NCKAP5: variants seen among roughly 807,000 people sequenced by gnomAD.
The protein encoded by NCKAP5 is NCK associated protein 5, also known as nck-associated protein 5.
In NCKAP5, 92 loss-of-function variants were observed where a neutral mutation model predicts 167.0. That is an observed-to-expected ratio of 0.55 (90% CI 0.47 to 0.66). The LOEUF (loss-of-function observed/expected upper bound fraction) is 0.66. Ranked by LOEUF, NCKAP5 falls within the 30% of genes least tolerant of loss-of-function variation. The pLI is 0.00. For missense variants in NCKAP5, 2,378 were observed against 2,315.0 expected (o/e 1.03, Z -0.56); for synonymous variants, 891 against 877.4 (o/e 1.02, Z -0.27).
chr2:133,017,651 C>T (rs1229642067), intron 6 of NCKAP5, among the ~76,000 whole-genome samples: 1 of 152,054 alleles, frequency 6.6e-6, no homozygotes, highest in African/African-American at 2.4e-5. Flanking sequence ...CCTCTCTTTA[C>T]TAGACTGTAC....
intron 3 of NCKAP5, among the ~76,000 whole-genome samples, chr2:133,387,729 G>T (rs1486172180): frequency 1.3e-5 from 2 of 152,078 alleles, no homozygotes; most frequent in Admixed American, 1.3e-4. Flanking sequence ...TTTCTTGGAG[G>T]CTTTGTTCAT....
intron 3 of NCKAP5, among the ~76,000 whole-genome samples, chr2:133,438,222 G>A (rs369614473): frequency 5.3e-5 from 8 of 152,312 alleles, no homozygotes; most frequent in African/African-American, 1.9e-4. Flanking sequence ...CCAGCTTCTG[G>A]CAGCATGGCA....
chr2:133,500,169 ATTTG>A (rs1442022656), intron 3 of NCKAP5, among the ~76,000 whole-genome samples: 2 of 152,168 alleles, frequency 1.3e-5, no homozygotes, highest in Non-Finnish European at 2.9e-5. Flanking sequence ...CAAGTGATCT[ATTTG>A]TTTGGAAAAA....
At chr2:133,603,407 C>T in the NCKAP5 span, among the ~76,000 whole-genome samples, 4 of 151,500 alleles carry the variant, frequency 2.6e-5, no homozygotes, top group Non-Finnish European at 5.9e-5. Context: ...GCATTTTTAG[C>T]AGAGACGGGG....
At chr2:133,260,683 AG>A (rs2088860480) in intron 4 of NCKAP5, among the ~76,000 whole-genome samples, 1 of 152,204 alleles carries the variant, frequency 6.6e-6, no homozygotes, top group African/African-American at 2.4e-5. Context: ...CCTCGGACGG[AG>A]GTAAAAAGAA....
intron 6 of NCKAP5, among the ~76,000 whole-genome samples, chr2:133,076,306 A>G (rs2080599074): frequency 6.6e-6 from 1 of 152,188 alleles, no homozygotes; most frequent in African/African-American, 2.4e-5. Context: ...CAAGGAACTC[A>G]TGGATATAGA....
At chr2:133,439,540 G>T (rs1265277555) in intron 3 of NCKAP5, among the ~76,000 whole-genome samples, 1 of 152,174 alleles carries the variant, frequency 6.6e-6, no homozygotes, top group African/African-American at 2.4e-5. Flanking sequence ...ACCAATTCAA[G>T]GACTGAGTAG....
intron 8 of NCKAP5, among the ~76,000 whole-genome samples, chr2:132,957,179 C>A (rs1558988200): frequency 6.6e-6 from 1 of 152,160 alleles, no homozygotes; most frequent in Non-Finnish European, 1.5e-5. Flanking sequence ...AACCAACAGA[C>A]AATTGCATGC....
At position 132,916,132 on chromosome 2, in the gene NCKAP5, C is replaced by T. The variant is rs146674150; in HGVS notation, c.580-37216G>A. Among the ~76,000 whole-genome samples the T allele has an allele frequency of 5.5e-3, 829 of 152,028 alleles. 10 individuals carry two copies. Among genetic ancestry groups the T allele is most frequent in the African/African-American group, 0.019 (781 of 41,516 alleles). ...CTGCCAAAGTAAAGACAGAAATATT[C>T]ATGTTTGCAGAGGCTGCCCTCTTTT... On this transcript the variant is annotated intron_variant, in intron 8 of 19. Coordinates refer to ENST00000409261, the MANE Select transcript of NCKAP5 (RefSeq NM_207363.3).
intron 4 of NCKAP5, among the ~76,000 whole-genome samples, chr2:133,236,070 CAAAAAAAAAAAAAA>C (rs527705526): frequency 1.9e-4 from 3 of 15,656 alleles, no homozygotes; most frequent in South Asian, 9.4e-3. Context: ...TGTCTCAGAC[CAAAAAAAAAAAAAA>C]AAAAAAAAAA....
intron 5 of NCKAP5, among the ~76,000 whole-genome samples, chr2:133,208,606 G>A (rs933082786): frequency 2.6e-5 from 4 of 152,128 alleles, no homozygotes; most frequent in Non-Finnish European, 5.9e-5. Context: ...AATTTAATGC[G>A]TTTCTTGGAT....
At chr2:132,855,464 C>T (rs920746667) in intron 11 of NCKAP5, among the ~76,000 whole-genome samples, 2 of 152,236 alleles carry the variant, frequency 1.3e-5, no homozygotes, top group Non-Finnish European at 2.9e-5. Flanking sequence ...TAGGGCAGGA[C>T]TGGAGGCGCC....
chr2:133,532,618 A>G (rs761633715), intron 2 of NCKAP5, among the ~76,000 whole-genome samples: 79 of 152,132 alleles, frequency 5.2e-4, no homozygotes, highest in Admixed American at 1.7e-3. Flanking sequence ...GGTTCCTCCT[A>G]TAAGAAGGAG....
chr2:132,678,613 G>A (rs1684805124), intron 19 of NCKAP5, among the ~76,000 whole-genome samples: 1 of 152,134 alleles, frequency 6.6e-6, no homozygotes, highest in South Asian at 2.1e-4. Context: ...GTCAGGTACT[G>A]GGTTGAATGC....
chr2:133,552,987 G>C (rs1687471589), intron 2 of NCKAP5, among the ~76,000 whole-genome samples: 1 of 152,098 alleles, frequency 6.6e-6, no homozygotes, highest in African/African-American at 2.4e-5. Context: ...TGTTGTCAGG[G>C]AAACAAGATT....
intron 3 of NCKAP5, among the ~76,000 whole-genome samples, chr2:133,340,083 AATT>A (rs1683469905): frequency 6.6e-6 from 1 of 152,014 alleles, no homozygotes. Flanking sequence ...CTGGCCAGCA[AATT>A]ATTATGTTTT....
chr2:133,261,182 G>A (rs1357983249), intron 4 of NCKAP5, among the ~76,000 whole-genome samples: 2 of 152,130 alleles, frequency 1.3e-5, no homozygotes, highest in Non-Finnish European at 2.9e-5. Flanking sequence ...GCTGTGAACG[G>A]AGTGTAGGGG....
At chr2:133,504,860 T>C (rs183522923) in intron 3 of NCKAP5, among the ~76,000 whole-genome samples, 1 of 152,222 alleles carries the variant, frequency 6.6e-6, no homozygotes, top group Non-Finnish European at 1.5e-5. Context: ...TCTGAGTCTT[T>C]TTTCCCCCTA....
chr2:133,069,192 G>T (rs1011136870), intron 6 of NCKAP5, among the ~76,000 whole-genome samples: 4 of 152,096 alleles, frequency 2.6e-5, no homozygotes, highest in African/African-American at 9.7e-5. Context: ...AGAAAATAAC[G>T]TACAAATGTA....
Sources: allele counts gnomAD v4.1 joint callset (sites outside exome capture counted in the v4.1 genomes callset), GRCh38; gene constraint gnomAD v4.1.1; transcripts MANE v1.5; gene names NCBI Gene and HGNC (gene_info 2026-07-23, HGNC 2026-07-21).